NUDCD3: variants seen among roughly 807,000 people sequenced by gnomAD.
The protein encoded by NUDCD3 is nudC domain-containing protein 3.
Under a neutral mutation model 39.7 loss-of-function variants are expected in NUDCD3, and 13 were observed. That is an observed-to-expected ratio of 0.33 (90% CI 0.21 to 0.52). The LOEUF is 0.52. Ranked by LOEUF, NUDCD3 falls within the 20% of genes least tolerant of loss-of-function variation. The pLI is 0.96. For missense variants in NUDCD3, 453 were observed against 458.1 expected (o/e 0.99, Z 0.10); for synonymous variants, 175 against 172.4 (o/e 1.02, Z -0.12).
At chr7:44,397,533 T>C (rs923404554) in intron 4 of NUDCD3, among the ~76,000 whole-genome samples, 4 of 152,222 alleles carry the variant, frequency 2.6e-5, no homozygotes, top group East Asian at 3.8e-4. Flanking sequence ...CATCTCATCA[T>C]GGTTTTGCCT....
intron 2 of NUDCD3, among the ~76,000 whole-genome samples, chr7:44,451,438 G>A (rs1291522850): frequency 1.3e-5 from 2 of 152,182 alleles, no homozygotes; most frequent in Admixed American, 6.5e-5. Flanking sequence ...CAATGTGAAC[G>A]TACTTAATGT....
chr7:44,490,371 G>A (rs1458839638), intron 1 of NUDCD3, 38 bp downstream of exon 1: 3 of 1,486,712 alleles, frequency 2.0e-6, no homozygotes, highest in Admixed American at 4.7e-5. Context: ...GCAGGCCGGG[G>A]GCGGCGGCTC....
chr7:44,429,939 T>C (rs1042815759), intron 2 of NUDCD3, among the ~76,000 whole-genome samples: 6 of 152,230 alleles, frequency 3.9e-5, no homozygotes, highest in African/African-American at 1.4e-4. Context: ...GCTTTCAATA[T>C]ACCATAAAAC....
chr7:44,430,015 A>G (rs539249425), intron 2 of NUDCD3, among the ~76,000 whole-genome samples: 1 of 152,240 alleles, frequency 6.6e-6, no homozygotes, highest in African/African-American at 2.4e-5. Flanking sequence ...AATATATAAT[A>G]TACACACAAG....
chr7:44,430,647 A>T (rs1799346445), intron 2 of NUDCD3, among the ~76,000 whole-genome samples: 1 of 152,086 alleles, frequency 6.6e-6, no homozygotes, highest in African/African-American at 2.4e-5. Flanking sequence ...ATCAGGGAGT[A>T]AACATGAAGA....
At chr7:44,432,285 A>C (rs1432328717) in intron 2 of NUDCD3, among the ~76,000 whole-genome samples, 1 of 152,230 alleles carries the variant, frequency 6.6e-6, no homozygotes, top group Non-Finnish European at 1.5e-5. Context: ...CTGTCTCTAA[A>C]ACAAAACAGG....
At chr7:44,412,926 C>CAAAAAAAAAAAAAA (rs767754442) in intron 3 of NUDCD3, among the ~76,000 whole-genome samples, 17 of 43,844 alleles carry the variant, frequency 3.9e-4, no homozygotes, top group African/African-American at 1.1e-3. Context: ...GACGCCGTCT[C>CAAAAAAAAAAAAAA]AAAAAAAAAA....
chr7:44,464,935 T>A (rs1800090389), intron 2 of NUDCD3, among the ~76,000 whole-genome samples: 1 of 152,014 alleles, frequency 6.6e-6, no homozygotes, highest in Non-Finnish European at 1.5e-5. Context: ...CCAAAAACAA[T>A]AACCCACATC....
chr7:44,455,668 A>G (rs1799877889), intron 2 of NUDCD3, among the ~76,000 whole-genome samples: 1 of 152,206 alleles, frequency 6.6e-6, no homozygotes, highest in Non-Finnish European at 1.5e-5. Flanking sequence ...ATGTGAGTGT[A>G]AGAACACGTG....
intron 3 of NUDCD3, among the ~76,000 whole-genome samples, chr7:44,425,317 T>TA (rs1212041933): frequency 3.3e-5 from 5 of 152,032 alleles, no homozygotes; most frequent in Non-Finnish European, 7.4e-5. Flanking sequence ...AATAAAAATT[T>TA]AAAAAAAGAA....
At chr7:44,419,622 C>T (rs1426332775) in intron 3 of NUDCD3, among the ~76,000 whole-genome samples, 2 of 152,168 alleles carry the variant, frequency 1.3e-5, no homozygotes, top group South Asian at 2.1e-4. Flanking sequence ...TAGCCCAGTG[C>T]CCCTCTGGGA....
intron 2 of NUDCD3, among the ~76,000 whole-genome samples, chr7:44,465,671 G>A (rs1194117875): frequency 6.6e-6 from 1 of 152,136 alleles, no homozygotes; most frequent in Non-Finnish European, 1.5e-5. Context: ...ACCAGACACT[G>A]GTAACAGCAG....
rs1024515736 is a variant in NUDCD3 at position 44,385,114 on chromosome 7, G to A, written c.*897C>T. 2 of 152,322 alleles carry A rather than the reference G, an allele frequency of 1.3e-5. No homozygotes were observed. The highest frequency in any genetic ancestry group is 4.8e-5 in the African/African-American group (2 of 41,436). The allele number at this position is 152,322 out of a possible 1,614,324, so 9.4% of individuals were successfully genotyped here. On this transcript the variant is annotated 3_prime_UTR_variant, in exon 6 of 6. Transcript: ENST00000355451. ...CTCCCAGAAGCCCTTCAAGGTCAAA[G>A]CTTCTCAGGACTTGTGGCTGTCGAG...
chr7:44,423,654 A>G (rs899039458), intron 3 of NUDCD3, among the ~76,000 whole-genome samples: 1 of 152,206 alleles, frequency 6.6e-6, no homozygotes, highest in Admixed American at 6.5e-5. Flanking sequence ...GACACAAACA[A>G]ATGGAAAAAA....
At chr7:44,468,348 G>C in intron 2 of NUDCD3, 73 of 305,406 alleles carry the variant, frequency 2.4e-4, no homozygotes, top group South Asian at 7.5e-4. Flanking sequence ...TGTAAAAACT[G>C]CAAAAAAAAA....
chr7:44,401,460 G>A (rs1212054282), intron 4 of NUDCD3, among the ~76,000 whole-genome samples: 1 of 152,170 alleles, frequency 6.6e-6, no homozygotes, highest in Non-Finnish European at 1.5e-5. Flanking sequence ...CCAGAAAGAG[G>A]TGGAGGCAGG....
Position 44,384,994 on chromosome 7 carries a change from T to C in NUDCD3, c.*1017A>G, listed in dbSNP as rs550562556. 1 of 152,440 alleles carries C rather than the reference T, an allele frequency of 6.6e-6. No individual in the cohort carries two copies. Among genetic ancestry groups the C allele is most frequent in the South Asian group, 2.1e-4 (1 of 4,820 alleles). The allele number at this position is 152,440 out of a possible 1,614,324, so 9.4% of individuals were successfully genotyped here. The stretch of plus-strand genomic sequence containing the variant: ...GTTCCAAGGAGCACAGTCTGGCACC[T>C]GGCACAGAGGATGGGAAGAGGGGAG... On this transcript the variant is annotated 3_prime_UTR_variant, in exon 6 of 6. Coordinates refer to ENST00000355451, the MANE Select transcript of NUDCD3 (RefSeq NM_015332.4).
At chr7:44,477,573 G>A (rs1017805356) in intron 2 of NUDCD3, among the ~76,000 whole-genome samples, 11 of 152,112 alleles carry the variant, frequency 7.2e-5, no homozygotes, top group African/African-American at 2.4e-4. Context: ...AGTTGACACT[G>A]ACGGCCCATG....
chr7:44,474,679 T>C (rs1411004091), intron 2 of NUDCD3, among the ~76,000 whole-genome samples: 1 of 152,174 alleles, frequency 6.6e-6, no homozygotes, highest in African/African-American at 2.4e-5. Context: ...AAATGAAGCA[T>C]ATAACCTTCA....
Sources: gnomAD v4.1 joint callset for allele counts (sites outside exome capture counted in the v4.1 genomes callset) on GRCh38, gnomAD v4.1.1 for gene constraint, MANE v1.5 for transcripts, NCBI Gene and HGNC (gene_info 2026-07-23, HGNC 2026-07-21) for gene names.